The following CNTNAP4 variants were observed in gnomAD, a reference collection of about 807,000 sequenced individuals.
The protein encoded by CNTNAP4 is contactin associated protein family member 4, also known as contactin-associated protein-like 4.
In CNTNAP4, 98 loss-of-function variants were observed where a neutral mutation model predicts 148.4. The observed-to-expected ratio is 0.66, with a 90% CI of 0.56 to 0.78. CNTNAP4 has a LOEUF of 0.78. CNTNAP4 is among the 30% of genes least tolerant of loss of function. The pLI, the probability that CNTNAP4 is intolerant of heterozygous loss-of-function variation, is 0.00. For synonymous variants in CNTNAP4, 730 were observed against 565.1 expected, an observed-to-expected ratio of 1.29 and a Z score of -4.14; for missense variants, 1,935 against 1,565.6, an observed-to-expected ratio of 1.24 and a Z score of -3.98.
intron 3 of CNTNAP4, among the ~76,000 whole-genome samples, chr16:76,400,719 G>C (rs1005527516): frequency 2.0e-5 from 3 of 152,154 alleles, no homozygotes; most frequent in African/African-American, 7.2e-5. Flanking sequence ...TTTTGTATAT[G>C]GTGTAAGGAA....
chr16:76,404,849 A>G (rs1041194874), intron 3 of CNTNAP4, among the ~76,000 whole-genome samples: 4 of 152,122 alleles, frequency 2.6e-5, no homozygotes, highest in Admixed American at 6.6e-5. Context: ...TGTATATTTC[A>G]AAATTGCTAA....
chr16:76,308,293 A>T (rs1428757), intron 1 of CNTNAP4, among the ~76,000 whole-genome samples: 44,475 of 152,202 alleles, frequency 0.29, 7,385 homozygotes, highest in Non-Finnish European at 0.39. Context: ...CGTGGCATTT[A>T]ATCGAGTTGA....
At chr16:76,285,053 G>T (rs1204706086) in intron 1 of CNTNAP4, among the ~76,000 whole-genome samples, 2 of 152,014 alleles carry the variant, frequency 1.3e-5, no homozygotes, top group African/African-American at 2.4e-5. Flanking sequence ...ACAGAACTGT[G>T]TAATGATAAA....
intron 3 of CNTNAP4, among the ~76,000 whole-genome samples, chr16:76,411,139 G>T (rs557265840): frequency 6.6e-6 from 1 of 151,416 alleles, no homozygotes; most frequent in South Asian, 2.1e-4. Context: ...AACAGTAAGG[G>T]CTGATTCAAC....
At chr16:76,322,970 G>A (rs1962582692) in intron 2 of CNTNAP4, among the ~76,000 whole-genome samples, 1 of 151,842 alleles carries the variant, frequency 6.6e-6, no homozygotes, top group Non-Finnish European at 1.5e-5. Flanking sequence ...GAGTATCTGG[G>A]TGTACAGGCA....
chr16:76,363,186 A>T (rs1475278893), intron 3 of CNTNAP4, among the ~76,000 whole-genome samples: 5 of 145,264 alleles, frequency 3.4e-5, no homozygotes, highest in African/African-American at 1.0e-4. Context: ...TGGGAGTTGG[A>T]GTCTCACTCT....
intron 12 of CNTNAP4, among the ~76,000 whole-genome samples, chr16:76,488,632 G>C (rs1422411691): frequency 6.6e-6 from 1 of 152,154 alleles, no homozygotes; most frequent in Non-Finnish European, 1.5e-5. Flanking sequence ...ATATTCCTCT[G>C]TATTACAGAA....
chr16:76,555,422 C>T (rs1427076515), intron 23 of CNTNAP4, among the ~76,000 whole-genome samples: 3 of 152,104 alleles, frequency 2.0e-5, no homozygotes, highest in African/African-American at 4.8e-5. Flanking sequence ...AAAAGAAACA[C>T]GTTATACAGT....
intron 17 of CNTNAP4, among the ~76,000 whole-genome samples, chr16:76,525,662 AGT>A (rs2083695634): frequency 6.9e-6 from 1 of 145,940 alleles, no homozygotes; most frequent in Admixed American, 6.9e-5. Context: ...AATTATATAT[AGT>A]TATATAATTT....
intron 2 of CNTNAP4, among the ~76,000 whole-genome samples, chr16:76,337,609 T>C (rs995020046): frequency 1.3e-5 from 2 of 152,158 alleles, no homozygotes; most frequent in Non-Finnish European, 2.9e-5. Context: ...GATAAACATC[T>C]TAACAGGAAA....
intron 3 of CNTNAP4, among the ~76,000 whole-genome samples, chr16:76,420,284 T>TATATTAGAATAA (rs2079142697): frequency 1.4e-5 from 1 of 70,462 alleles, no homozygotes; most frequent in East Asian, 4.6e-4. Context: ...GAGATAAATA[T>TATATTAGAATAA]TAATTTCCCT....
rs1597779699 is a variant in CNTNAP4, at chr16:76,509,643, T to C, written c.2365+10949T>C. 2.1e-5 allele frequency among the ~76,000 whole-genome samples: 2 copies of C among 97,536 alleles called. 1 individual carries two copies. The highest frequency in any genetic ancestry group is 5.1e-5 in the African/African-American group (2 of 38,862). The allele number at this position is 97,536 out of a possible 152,430, so 64.0% of individuals were successfully genotyped here. A position where few individuals can be genotyped will look rare whatever the true frequency, so the allele number is the denominator to read the frequency against. On this transcript the variant is annotated intron_variant, in intron 15 of 23. Coordinates refer to ENST00000611870, the MANE Select transcript of CNTNAP4 (RefSeq NM_033401.5). ...GTATTTTTAAATTATAAGCAGCATT[T>C]ATCTACTGTGAGAAATGGAAAAGCT...
intron 3 of CNTNAP4, among the ~76,000 whole-genome samples, chr16:76,412,555 C>T (rs887779589): frequency 2.6e-5 from 4 of 151,386 alleles, no homozygotes; most frequent in Non-Finnish European, 5.9e-5. Flanking sequence ...TTGTTACCCT[C>T]ATTTTTAGCC....
chr16:76,327,693 A>G (rs897811936), intron 2 of CNTNAP4, among the ~76,000 whole-genome samples: 1 of 152,156 alleles, frequency 6.6e-6, no homozygotes, highest in Non-Finnish European at 1.5e-5. Flanking sequence ...CTGGGAGTCC[A>G]CTGGACTCAT....
chr16:76,474,550 T>C, intron 10 of CNTNAP4, among the ~76,000 whole-genome samples: 1 of 152,162 alleles, frequency 6.6e-6, no homozygotes, highest in East Asian at 1.9e-4. Flanking sequence ...TTAGTTTTAA[T>C]AAAGGAGACG....
Position 76,509,523 on chromosome 16 carries a change from C to A in CNTNAP4, c.2365+10829C>A, listed in dbSNP as rs373859847. Among the ~76,000 whole-genome samples the A allele has an allele frequency of 1.9e-3, 182 of 97,548 alleles. 28 individuals are homozygous for A. The highest frequency in any genetic ancestry group is 4.4e-3 in the African/African-American group (173 of 38,950). 64.0% of individuals were successfully genotyped at this position (97,548 alleles called of 152,430 possible). On this transcript the variant is annotated intron_variant, in intron 15 of 23. Coordinates refer to ENST00000611870, the MANE Select transcript of CNTNAP4 (RefSeq NM_033401.5). ...TGGCTCATGAAATTTATATATCTAA[C>A]GAAGTATATTCAACGTAAGTGATCC...
rs563106922 is a variant in CNTNAP4, at chr16:76,317,125, C to T, written c.196+602C>T. Among the ~76,000 whole-genome samples the T allele has an allele frequency of 2.0e-5, 3 of 151,838 alleles. No individual in the cohort carries two copies. In the South Asian group the frequency reaches 6.2e-4, roughly 32 times the overall value. On this transcript the variant is annotated intron_variant, in intron 2 of 23. Transcript: ENST00000611870. The stretch of plus-strand genomic sequence containing the variant: ...TACAAAATAATAAAAATAAATTCAC[C>T]TGTGATGCATGCCTGTAGTCCCAGC...
chr16:76,433,096 C>T (rs752774274), intron 4 of CNTNAP4, among the ~76,000 whole-genome samples: 11 of 152,140 alleles, frequency 7.2e-5, no homozygotes, highest in Admixed American at 2.6e-4. Flanking sequence ...CTTTTCTTCT[C>T]CCAATCATGA....
At chr16:76,291,005 T>C (rs993853938) in intron 1 of CNTNAP4, among the ~76,000 whole-genome samples, 1 of 152,128 alleles carries the variant, frequency 6.6e-6, no homozygotes, top group Middle Eastern at 3.2e-3. Context: ...ACTCTTCTTA[T>C]AAGGGGCCAG....
Sources: allele counts gnomAD v4.1 joint callset (sites outside exome capture counted in the v4.1 genomes callset), GRCh38; gene constraint gnomAD v4.1.1; transcripts MANE v1.5; gene names NCBI Gene and HGNC (gene_info 2026-07-23, HGNC 2026-07-21).